Variants in NFATC2 observed in about 807,000 individuals in gnomAD.
NFATC2 encodes the protein nuclear factor of activated T cells 2, also known as nuclear factor of activated T-cells, cytoplasmic 2.
A neutral mutation model predicts 87.3 loss-of-function variants in NFATC2; 22 were observed. The observed-to-expected ratio is 0.25, with a 90% confidence interval of 0.18 to 0.36. The LOEUF (loss-of-function observed/expected upper bound fraction) is 0.36, where lower values mean the gene tolerates loss of function less well. Among genes scored for constraint, NFATC2 ranks in the 10% least tolerant of loss-of-function variants. The probability of loss-of-function intolerance (pLI) is 1.00; values close to 1 mark genes in which losing one functional copy is unlikely to be tolerated. For synonymous variants in NFATC2, 565 were observed against 542.2 expected, an observed-to-expected ratio of 1.04 and a Z score of -0.58; for missense variants, 1,149 against 1,259.1, an observed-to-expected ratio of 0.91 and a Z score of 1.32.
chr20:51,398,579 A>G, intron 10 of NFATC2, 64 bp downstream of exon 10: 1 of 1,254,946 alleles, frequency 8.0e-7, no homozygotes, highest in Middle Eastern at 2.6e-4. Flanking sequence ...TTAAAAAAAA[A>G]AAAATTCAAG....
chr20:51,546,182 C>T (rs1480079360), upstream of NFATC2, among the ~76,000 whole-genome samples: 1 of 152,156 alleles, frequency 6.6e-6, no homozygotes, highest in African/African-American at 2.4e-5. Context: ...CTTTGTTGTC[C>T]CTCTGAACAG....
chr20:51,517,334 A>C (rs960979481), intron 2 of NFATC2, among the ~76,000 whole-genome samples: 1 of 152,146 alleles, frequency 6.6e-6, no homozygotes, highest in Admixed American at 6.5e-5. Flanking sequence ...TCATGACTTA[A>C]TCTCAGCACT....
intron 3 of NFATC2, among the ~76,000 whole-genome samples, chr20:51,499,678 G>A (rs2076047420): frequency 6.6e-6 from 1 of 151,296 alleles, no homozygotes; most frequent in African/African-American, 2.4e-5. Flanking sequence ...GGAGGCAGAT[G>A]TTGCAGTGAG....
intron 4 of NFATC2, 140 bp downstream of exon 4, chr20:51,475,318 G>T: frequency 1.2e-6 from 1 of 809,318 alleles, no homozygotes; most frequent in Non-Finnish European, 2.0e-6. Flanking sequence ...AATCACAACG[G>T]GTCGATGGAT....
chr20:51,485,738 GGCT>G (rs1460164999), intron 3 of NFATC2, among the ~76,000 whole-genome samples: 2 of 152,112 alleles, frequency 1.3e-5, no homozygotes, highest in Non-Finnish European at 2.9e-5. Context: ...CTGTAAATGT[GGCT>G]CCTGACCCTG....
At chr20:51,425,928 A>G (rs1244385298) in intron 9 of NFATC2, among the ~76,000 whole-genome samples, 1 of 152,058 alleles carries the variant, frequency 6.6e-6, no homozygotes, top group African/African-American at 2.4e-5. Context: ...GGATACACTC[A>G]CTGGAGTTCT....
chr20:51,442,996 C>T (rs866485065), intron 6 of NFATC2, among the ~76,000 whole-genome samples: 2 of 152,138 alleles, frequency 1.3e-5, no homozygotes, highest in African/African-American at 4.8e-5. Context: ...AGCCTCTCTA[C>T]CCAGCTTTCC....
chr20:51,423,099 G>A (rs903234111), intron 9 of NFATC2, among the ~76,000 whole-genome samples: 1 of 151,892 alleles, frequency 6.6e-6, no homozygotes, highest in African/African-American at 2.4e-5. Context: ...ACCAGACTGG[G>A]CAACATAGCA....
Position 51,461,516 on chromosome 20 carries a change from T to A in NFATC2, c.1709-6828A>T, listed in dbSNP as rs554404506. On this transcript the variant is annotated intron_variant, in intron 5 of 10. Transcript: ENST00000371564. Reference sequence around the variant, plus strand: ...ACGTCATAAAGTGGCTTGGGGGGGCTCTTGTATTTTATGAGCTCTGAATCA... The same window carrying A: ...ACGTCATAAAGTGGCTTGGGGGGGCACTTGTATTTTATGAGCTCTGAATCA... 5.3e-5 allele frequency among the ~76,000 whole-genome samples: 8 copies of A among 152,230 alleles called. No homozygotes were observed. The South Asian group carries it at 1.7e-3, about 32-fold the overall frequency.
intron 1 of NFATC2, among the ~76,000 whole-genome samples, chr20:51,550,436 C>CA (rs1283515339): frequency 6.6e-6 from 1 of 151,870 alleles, no homozygotes; most frequent in East Asian, 1.9e-4. Context: ...ACTAAAAATA[C>CA]AAAAAATAGC....
At chr20:51,505,238 A>C (rs6021259) in intron 3 of NFATC2, among the ~76,000 whole-genome samples, 2 of 150,848 alleles carry the variant, frequency 1.3e-5, no homozygotes, top group Middle Eastern at 3.4e-3. Context: ...GGATGGTCTC[A>C]CTCGATCTCT....
chr20:51,549,697 G>A (rs2076917329), intron 1 of NFATC2, among the ~76,000 whole-genome samples: 1 of 152,202 alleles, frequency 6.6e-6, no homozygotes, highest in African/African-American at 2.4e-5. Flanking sequence ...AGATGAATTA[G>A]ATAATACCTG....
chr20:51,441,193 G>T (rs1984284654), intron 6 of NFATC2, among the ~76,000 whole-genome samples: 1 of 152,168 alleles, frequency 6.6e-6, no homozygotes. Flanking sequence ...TGAGGCAGGA[G>T]AATCACTTGA....
At chr20:51,477,567 A>G (rs573637072) in intron 3 of NFATC2, among the ~76,000 whole-genome samples, 17 of 100,958 alleles carry the variant, frequency 1.7e-4, no homozygotes, top group Admixed American at 4.0e-4. Context: ...ATATATATAT[A>G]TATATATATA....
At chr20:51,409,934 G>C (rs1357717156) in intron 9 of NFATC2, among the ~76,000 whole-genome samples, 1 of 152,192 alleles carries the variant, frequency 6.6e-6, no homozygotes, top group African/African-American at 2.4e-5. Context: ...AATATGGCCG[G>C]GCACAGTGGC....
At chr20:51,414,019 A>T (rs1043726261) in intron 9 of NFATC2, among the ~76,000 whole-genome samples, 1 of 152,206 alleles carries the variant, frequency 6.6e-6, no homozygotes, top group African/African-American at 2.4e-5. Context: ...AATAGTTTTA[A>T]ATCATTTTAA....
intron 1 of NFATC2, among the ~76,000 whole-genome samples, chr20:51,525,906 GC>G (rs2146734210): frequency 6.6e-6 from 1 of 150,738 alleles, no homozygotes; most frequent in South Asian, 2.1e-4. Context: ...CGCAGCATGT[GC>G]CCCGGCCTGC....
intron 10 of NFATC2, among the ~76,000 whole-genome samples, chr20:51,392,712 TC>T (rs1454344596): frequency 6.6e-6 from 1 of 152,174 alleles, no homozygotes; most frequent in Non-Finnish European, 1.5e-5. Flanking sequence ...TCCTCATACT[TC>T]CTTTTCTCAC....
chr20:51,535,840 C>G (rs990557204), intron 1 of NFATC2, among the ~76,000 whole-genome samples: 2 of 152,184 alleles, frequency 1.3e-5, no homozygotes, highest in South Asian at 4.1e-4. Context: ...GCTTTGCTGG[C>G]CACTTTCTTC....
Sources: allele counts gnomAD v4.1 joint callset (sites outside exome capture counted in the v4.1 genomes callset), GRCh38; gene constraint gnomAD v4.1.1; transcripts MANE v1.5; gene names NCBI Gene and HGNC (gene_info 2026-07-23, HGNC 2026-07-21).